Variants in ENPP3 observed in about 807,000 individuals in gnomAD.
ENPP3 encodes ectonucleotide pyrophosphatase/phosphodiesterase family member 3.
ENPP3 carries 104 observed loss-of-function variants against 117.8 expected under a neutral mutation model. That is an observed-to-expected ratio of 0.88 (90% confidence interval 0.75 to 1.04). The LOEUF is 1.04. Ranked by LOEUF, ENPP3 falls within the 50% of genes least tolerant of loss-of-function variation. ENPP3 has a pLI of 0.00. For missense variants in ENPP3, 1,026 were observed against 1,051.9 expected, an observed-to-expected ratio of 0.98 and a Z score of 0.34; for synonymous variants, 380 against 349.9, an observed-to-expected ratio of 1.09 and a Z score of -0.96.
rs1263805171 is a variant in ENPP3, at chr6:131,652,761, CA to C, written c.404-69del. 3.3e-5 allele frequency: 52 copies of C among 1,590,576 alleles called. No homozygotes were observed. In the African/African-American group the frequency reaches 6.6e-4, roughly 20 times the overall value. ...ATGCTAGGCTGCAAAAATCAAAACACATCGGAGAATCTTTAGTTACTCTGTC... is the reference window on the plus strand; with the variant it reads ...ATGCTAGGCTGCAAAAATCAAAACACTCGGAGAATCTTTAGTTACTCTGTC... On this transcript the variant is annotated intron_variant, in intron 4 of 24. Coordinates refer to ENST00000357639, the MANE Select transcript of ENPP3 (RefSeq NM_005021.5).
intron 19 of ENPP3, among the ~76,000 whole-genome samples, chr6:131,724,310 C>A (rs1346299783): frequency 1.3e-5 from 2 of 151,344 alleles, no homozygotes; most frequent in Non-Finnish European, 2.9e-5. Flanking sequence ...AAAACGAATT[C>A]CTTGAAGAGG....
chr6:131,687,505 AGGTGAG>A (rs1779178886), intron 14 of ENPP3, among the ~76,000 whole-genome samples: 1 of 152,236 alleles, frequency 6.6e-6, no homozygotes, highest in Non-Finnish European at 1.5e-5. Context: ...AACAAAAAAT[AGGTGAG>A]ACCTAATTAA....
rs528767073 is a variant in ENPP3 at position 131,688,750 on chromosome 6, T to A, written c.1284+2843T>A. Among the ~76,000 whole-genome samples, 50 of 152,116 alleles carry A rather than the reference T, an allele frequency of 3.3e-4. 1 individual carries two copies. The South Asian group carries it at 0.01, about 31-fold the overall frequency. On this transcript the variant is annotated intron_variant, in intron 14 of 24. Transcript: ENST00000357639. ...AGCTAGCAGGGGTTTGTTAGTGAGA[T>A]ATAAAGAAAGAAGTCTTCTGGCCAG...
At chr6:131,644,459 G>A (rs1040309624) in intron 2 of ENPP3, among the ~76,000 whole-genome samples, 1 of 152,136 alleles carries the variant, frequency 6.6e-6, no homozygotes, top group Admixed American at 6.5e-5. Flanking sequence ...TTGGATTCTG[G>A]ATCTATTTTG....
At position 131,733,700 on chromosome 6, in the gene ENPP3, C is replaced by T; in HGVS notation, c.2066C>T (p.Thr689Ile). ...TTCTATTTAGCAGACAAGAATATCA[C>T]CCACGGCTTCCTCTATCCTCCTGGT... ...CSFYLADKNI[T>I]HGFLYPPASN... The change falls in exon 21 of 25, where the codon ACC becomes ATC. Residue 689 changes from threonine to isoleucine, a missense_variant. Physicochemically the swap from Thr to Ile is moderately conservative, Grantham distance 89. Coordinates refer to ENST00000357639, the MANE Select transcript of ENPP3 (RefSeq NM_005021.5). 2 of 1,614,052 alleles carry T rather than the reference C, an allele frequency of 1.2e-6. No homozygotes were observed. The highest frequency in any genetic ancestry group is 1.7e-6 in the Non-Finnish European group (2 of 1,179,946).
chr6:131,679,369 A>G (rs1778972425), intron 11 of ENPP3, among the ~76,000 whole-genome samples: 1 of 152,094 alleles, frequency 6.6e-6, no homozygotes, highest in Non-Finnish European at 1.5e-5. Context: ...TGTTGGGATT[A>G]CAGGCATGAA....
intron 7 of ENPP3, among the ~76,000 whole-genome samples, chr6:131,671,574 C>A (rs2066889): frequency 0.071 from 10,789 of 152,140 alleles, 783 homozygotes; most frequent in African/African-American, 0.18. Flanking sequence ...CAAAAACAGA[C>A]CCTTTGATGT....
chr6:131,672,776 A>G (rs1247583200), intron 7 of ENPP3, among the ~76,000 whole-genome samples: 1 of 151,742 alleles, frequency 6.6e-6, no homozygotes, highest in Non-Finnish European at 1.5e-5. Flanking sequence ...ATATGCATAT[A>G]TATTCATATA....
chr6:131,746,641 T>C (rs1484751269), intron 24 of ENPP3, 145 bp from the exon 25 acceptor site: 1 of 621,096 alleles, frequency 1.6e-6, no homozygotes, highest in Non-Finnish European at 2.7e-6. Context: ...TTTTTATTTT[T>C]AAAAACTAAA....
At chr6:131,681,600 AAAAACACAAAGGCAG>A (rs1241213136) in intron 11 of ENPP3, among the ~76,000 whole-genome samples, 1 of 152,212 alleles carries the variant, frequency 6.6e-6, no homozygotes, top group African/African-American at 2.4e-5. Context: ...TAGAAAATTA[AAAAACACAAAGGCAG>A]TGAGTATAAA....
intron 15 of ENPP3, among the ~76,000 whole-genome samples, chr6:131,703,904 C>T (rs1779589050): frequency 6.6e-6 from 1 of 151,702 alleles, no homozygotes; most frequent in African/African-American, 2.4e-5. Context: ...TCCATAGAGA[C>T]ATGAAGAACC....
chr6:131,668,002 A>C (rs550437126), intron 6 of ENPP3, among the ~76,000 whole-genome samples: 1 of 152,150 alleles, frequency 6.6e-6, no homozygotes, highest in Non-Finnish European at 1.5e-5. Flanking sequence ...ACAGGCCAAC[A>C]TTATGGCTAA....
intron 15 of ENPP3, among the ~76,000 whole-genome samples, chr6:131,697,605 C>A (rs1001152290): frequency 6.6e-6 from 1 of 151,556 alleles, no homozygotes; most frequent in Non-Finnish European, 1.5e-5. Flanking sequence ...TATCTGGGGG[C>A]GATGGGAGAC....
At chr6:131,701,452 T>C in intron 15 of ENPP3, 1 of 905,018 alleles carries the variant, frequency 1.1e-6, no homozygotes, top group Non-Finnish European at 1.7e-6. Flanking sequence ...AGGAGAAGTG[T>C]TTAAAAACAG....
chr6:131,674,665 CAGGTTCA>C (rs1382238532), intron 8 of ENPP3, among the ~76,000 whole-genome samples: 2 of 149,306 alleles, frequency 1.3e-5, no homozygotes, highest in East Asian at 2.0e-4. Context: ...CTCTGCTTCT[CAGGTTCA>C]AGCACTTCTG....
chr6:131,722,090 A>G, intron 17 of ENPP3, 137 bp from the exon 18 acceptor site: 1 of 626,812 alleles, frequency 1.6e-6, no homozygotes, highest in South Asian at 2.0e-5. Context: ...TGAATGGCAT[A>G]TAGAGTACAT....
Position 131,733,606 on chromosome 6 carries a change from C to G in ENPP3, c.1972C>G (p.Pro658Ala). 1 of 1,613,356 alleles carries G rather than the reference C, an allele frequency of 6.2e-7. No individual in the cohort carries two copies. The highest frequency in any genetic ancestry group is 8.5e-7 in the Non-Finnish European group (1 of 1,179,454). The change falls in exon 21 of 25, where the codon CCT becomes GCT. Residue 658 changes from proline to alanine, a missense_variant. By Grantham distance (27) the Pro-to-Ala change is conservative. Transcript: ENST00000357639. Reference protein sequence around the residue: ...VPQLGDTSPLPPTVPDCLRAD... With the variant: ...VPQLGDTSPLAPTVPDCLRAD... ...TGAACAGGGAGACACATCGCCTCTG[C>G]CTCCCACTGTCCCAGACTGTCTGCG...
chr6:131,670,983 T>G (rs1156873648), intron 6 of ENPP3, among the ~76,000 whole-genome samples: 2 of 152,148 alleles, frequency 1.3e-5, no homozygotes, highest in African/African-American at 4.8e-5. Flanking sequence ...AAAGACCATA[T>G]AGCTTTGCAA....
intron 6 of ENPP3, among the ~76,000 whole-genome samples, chr6:131,659,223 G>A (rs987099678): frequency 2.0e-5 from 3 of 152,090 alleles, no homozygotes; most frequent in Admixed American, 1.3e-4. Flanking sequence ...GGAGGCTAGA[G>A]CATCCCTTGA....
Sources: allele counts gnomAD v4.1 joint callset (sites outside exome capture counted in the v4.1 genomes callset), GRCh38; gene constraint gnomAD v4.1.1; transcripts MANE v1.5; gene names NCBI Gene and HGNC (gene_info 2026-07-23, HGNC 2026-07-21).